The following CDYL variants were observed in gnomAD, a reference collection of about 807,000 sequenced individuals.
CDYL encodes the protein chromodomain Y-like protein.
A neutral mutation model predicts 47.3 loss-of-function variants in CDYL; 8 were observed. The observed-to-expected ratio is 0.17, with a 90% CI of 0.10 to 0.31. CDYL has a LOEUF of 0.31. CDYL is among the 10% of genes least tolerant of loss of function. CDYL has a pLI of 1.00. For synonymous variants in CDYL, 266 were observed against 265.0 expected, an observed-to-expected ratio of 1.00 and a Z score of -0.04; for missense variants, 471 against 701.4, an observed-to-expected ratio of 0.67 and a Z score of 3.71.
chr6:4,915,565 A>G (rs6904793), intron 2 of CDYL, among the ~76,000 whole-genome samples: 15,776 of 152,194 alleles, frequency 0.1, 981 homozygotes, highest in Middle Eastern at 0.18. Flanking sequence ...TTAACATTAA[A>G]AGAGAAATCC....
intron 1 of CDYL, among the ~76,000 whole-genome samples, chr6:4,886,259 A>G (rs1055674931): frequency 1.3e-5 from 2 of 152,184 alleles, no homozygotes; most frequent in African/African-American, 2.4e-5. Flanking sequence ...GTAGATACCT[A>G]GGAGTGGAGT....
chr6:4,950,454 C>G lies in CDYL; in HGVS notation c.1333-1812C>G, dbSNP rs1211120912. Reference sequence around the variant, plus strand: ...AGGAAAACCCCGACAGCACAGAGCACTTCGTGCGGCAGCAGCACACCGGGA... The same window carrying G: ...AGGAAAACCCCGACAGCACAGAGCAGTTCGTGCGGCAGCAGCACACCGGGA... On this transcript the variant is annotated intron_variant, in intron 5 of 6. Transcript: ENST00000397588. Among the ~76,000 whole-genome samples the G allele has an allele frequency of 4.6e-5, 7 of 152,342 alleles. 1 individual carries two copies. The highest frequency in any genetic ancestry group is 3.4e-3 in the Middle Eastern group (1 of 294).
intron 2 of CDYL, among the ~76,000 whole-genome samples, chr6:4,730,643 C>T (rs533963535): frequency 4.9e-4 from 68 of 137,394 alleles, no homozygotes; most frequent in African/African-American, 1.8e-3. Flanking sequence ...CATTGTACTC[C>T]AGCCTGGGCA....
chr6:4,938,702 C>T (rs1032534157), intron 4 of CDYL, among the ~76,000 whole-genome samples: 1 of 152,152 alleles, frequency 6.6e-6, no homozygotes, highest in African/African-American at 2.4e-5. Context: ...ATTTTTATTT[C>T]ATATATACAC....
intron 2 of CDYL, among the ~76,000 whole-genome samples, chr6:4,727,661 G>T (rs565961795): frequency 8.3e-6 from 1 of 120,146 alleles, no homozygotes; most frequent in Admixed American, 1.2e-4. Flanking sequence ...TTTAGCATAA[G>T]CCCTGAGTAG....
chr6:4,836,276 A>G (rs1344027922), intron 1 of CDYL: 3 of 984,714 alleles, frequency 3.0e-6, no homozygotes, highest in Non-Finnish European at 3.6e-6. Flanking sequence ...CCAAAACTAC[A>G]TAAAGAAGAA....
intron 1 of CDYL, among the ~76,000 whole-genome samples, chr6:4,875,764 A>G (rs1024751279): frequency 3.3e-5 from 5 of 152,300 alleles, no homozygotes; most frequent in East Asian, 1.9e-4. Context: ...TTTTAAACAT[A>G]CAACTAAGTT....
intron 3 of CDYL, among the ~76,000 whole-genome samples, chr6:4,735,947 C>T (rs1250011081): frequency 6.6e-6 from 1 of 151,892 alleles, no homozygotes; most frequent in Admixed American, 6.6e-5. Context: ...TAAGATCTAC[C>T]CTCTTGGTAA....
intron 1 of CDYL, among the ~76,000 whole-genome samples, chr6:4,706,594 G>A (rs182839276): frequency 6.8e-4 from 103 of 152,148 alleles, no homozygotes; most frequent in Admixed American, 1.6e-3. Flanking sequence ...AGACCAGCAT[G>A]GCCAACATGG....
intron 1 of CDYL, among the ~76,000 whole-genome samples, chr6:4,778,044 T>A (rs1038225463): frequency 6.6e-6 from 1 of 151,320 alleles, no homozygotes; most frequent in Non-Finnish European, 1.5e-5. Context: ...GATACTATTT[T>A]AGGTCATTTG....
chr6:4,882,034 C>T (rs1761777273), intron 1 of CDYL, among the ~76,000 whole-genome samples: 1 of 152,202 alleles, frequency 6.6e-6, no homozygotes, highest in Non-Finnish European at 1.5e-5. Context: ...CAGGGTTCTG[C>T]TCCTGTGACA....
At chr6:4,727,768 T>C (rs1314696673) in intron 2 of CDYL, among the ~76,000 whole-genome samples, 1 of 152,176 alleles carries the variant, frequency 6.6e-6, no homozygotes, top group Non-Finnish European at 1.5e-5. Flanking sequence ...TCATGTTTGC[T>C]GAGGATTTCA....
intron 1 of CDYL, among the ~76,000 whole-genome samples, chr6:4,863,725 T>C (rs1761239494): frequency 6.6e-6 from 1 of 152,238 alleles, no homozygotes; most frequent in South Asian, 2.1e-4. Flanking sequence ...TAAGGCATAT[T>C]TCTTGCAGAA....
intron 3 of CDYL, among the ~76,000 whole-genome samples, chr6:4,762,609 T>A (rs1200286912): frequency 4.5e-5 from 1 of 22,306 alleles, no homozygotes; most frequent in African/African-American, 1.8e-4. Context: ...AAAAACTCAA[T>A]AACAAATCAA....
chr6:4,802,643 C>G (rs533672104), intron 1 of CDYL, among the ~76,000 whole-genome samples: 1 of 152,300 alleles, frequency 6.6e-6, no homozygotes, highest in South Asian at 2.1e-4. Context: ...TTTTGAAATA[C>G]TAGGGTGAGT....
intron 2 of CDYL, among the ~76,000 whole-genome samples, chr6:4,935,045 C>T (rs764480016): frequency 1.6e-4 from 24 of 152,180 alleles, no homozygotes; most frequent in Non-Finnish European, 2.2e-4. Context: ...CTCTATGACC[C>T]GCAGAGAAGG....
chr6:4,726,437 CAGG>C (rs1757514133), intron 2 of CDYL, among the ~76,000 whole-genome samples: 1 of 150,618 alleles, frequency 6.6e-6, no homozygotes, highest in East Asian at 2.0e-4. Flanking sequence ...GAGGCTGAGG[CAGG>C]AGAATTGCTT....
At chr6:4,800,800 A>G (rs112101317) in intron 1 of CDYL, among the ~76,000 whole-genome samples, 103 of 152,238 alleles carry the variant, frequency 6.8e-4, no homozygotes, top group African/African-American at 2.3e-3. Flanking sequence ...CTTTGTTCTT[A>G]TCGTTATTGT....
At chr6:4,739,862 A>G (rs1374330119) in intron 3 of CDYL, among the ~76,000 whole-genome samples, 1 of 152,024 alleles carries the variant, frequency 6.6e-6, no homozygotes, top group Non-Finnish European at 1.5e-5. Flanking sequence ...CTGAGACAGG[A>G]GAATCGCTAG....
Sources: allele counts gnomAD v4.1 joint callset (sites outside exome capture counted in the v4.1 genomes callset), GRCh38; gene constraint gnomAD v4.1.1; transcripts MANE v1.5; gene names NCBI Gene and HGNC (gene_info 2026-07-23, HGNC 2026-07-21).